Variants in OTUD4 observed in about 807,000 individuals in gnomAD.
OTUD4 encodes OTU domain-containing protein 4.
OTUD4 carries 24 observed loss-of-function variants against 130.4 expected under a neutral mutation model. The observed-to-expected ratio is 0.18, with a 90% CI of 0.13 to 0.26. OTUD4 has a LOEUF of 0.26. OTUD4 is among the 10% of genes least tolerant of loss of function. The pLI is 1.00. For missense variants in OTUD4, 1,031 were observed against 1,329.4 expected (o/e 0.78, Z 3.49); for synonymous variants, 420 against 472.5 (o/e 0.89, Z 1.44).
intron 3 of OTUD4, among the ~76,000 whole-genome samples, chr4:145,168,149 CTAAT>C (rs1422492137): frequency 1.3e-5 from 2 of 151,974 alleles, no homozygotes; most frequent in Admixed American, 6.6e-5. Context: ...TATGTTTTAA[CTAAT>C]TAACCATACT....
At chr4:145,177,841 T>C (rs1337184629) in intron 1 of OTUD4, among the ~76,000 whole-genome samples, 1 of 152,232 alleles carries the variant, frequency 6.6e-6, no homozygotes, top group East Asian at 1.9e-4. Flanking sequence ...TTAGAAATGA[T>C]GAGTATTTGT....
At chr4:145,140,344 A>C (rs1005722129) in intron 19 of OTUD4, among the ~76,000 whole-genome samples, 1 of 152,224 alleles carries the variant, frequency 6.6e-6, no homozygotes, top group African/African-American at 2.4e-5. Context: ...GTTGAGAAGA[A>C]TGGTAAAATC....
chr4:145,179,719 G>A (rs1272272520), intron 1 of OTUD4, 96 bp downstream of exon 1: 2 of 1,420,364 alleles, frequency 1.4e-6, no homozygotes, highest in East Asian at 2.9e-5. Flanking sequence ...AGCCCCGGCC[G>A]TGGGCGGCCC....
intron 6 of OTUD4, among the ~76,000 whole-genome samples, chr4:145,160,746 G>A (rs1039202557): frequency 3.9e-5 from 6 of 152,170 alleles, no homozygotes; most frequent in African/African-American, 1.2e-4. Context: ...CCAGAAGCCA[G>A]TGGTTGCAGT....
In OTUD4 at chr4:145,137,191, G is replaced by A. The variant is rs1579236292; in HGVS notation, c.*239C>T. On this transcript the variant is annotated 3_prime_UTR_variant, in exon 21 of 21. Transcript: ENST00000447906. ...AACAAACTTATCTTCTACTTTTTACGGGGACAGTCACTTGATCAACAAACA... is the reference window on the plus strand; with the variant it reads ...AACAAACTTATCTTCTACTTTTTACAGGGACAGTCACTTGATCAACAAACA... The A allele has an allele frequency of 7.7e-6, 3 of 390,908 alleles. No individual in the cohort carries two copies. Among genetic ancestry groups the A allele is most frequent in the East Asian group, 4.0e-5 (1 of 25,208 alleles). The allele number at this position is 390,908 out of a possible 1,614,324, so 24.2% of individuals were successfully genotyped here. A position where few individuals can be genotyped will look rare whatever the true frequency, so the allele number is the denominator to read the frequency against.
chr4:145,176,476 A>G (rs1752430546), intron 1 of OTUD4, among the ~76,000 whole-genome samples: 1 of 151,118 alleles, frequency 6.6e-6, no homozygotes, highest in South Asian at 2.1e-4. Flanking sequence ...CCCTGAGGTC[A>G]GGAGTTTGAG....
intron 3 of OTUD4, among the ~76,000 whole-genome samples, chr4:145,169,379 T>C (rs1177246115): frequency 6.6e-6 from 1 of 152,244 alleles, no homozygotes; most frequent in Non-Finnish European, 1.5e-5. Context: ...AGGATAAAGA[T>C]GCTTTCTCTG....
chr4:145,159,647 G>C lies in OTUD4; in HGVS notation c.497-12C>G, dbSNP rs1248505620. 4.3e-6 allele frequency: 7 copies of C among 1,610,588 alleles called. No individual in the cohort carries two copies. Among genetic ancestry groups the C allele is most frequent in the Non-Finnish European group, 5.9e-6 (7 of 1,178,328 alleles). On this transcript the variant is annotated splice_polypyrimidine_tract_variant and intron_variant, in intron 6 of 20. Coordinates refer to ENST00000447906, the MANE Select transcript of OTUD4 (RefSeq NM_001366057.1). Reference sequence around the variant, plus strand: ...TTCATAAAGGAGAGCTGCAATTAATGACAGACAGATTTTCCAACATTAACT... The same window carrying C: ...TTCATAAAGGAGAGCTGCAATTAATCACAGACAGATTTTCCAACATTAACT...
intron 3 of OTUD4, 89 bp downstream of exon 3, chr4:145,171,581 A>G (rs753546024): frequency 2.0e-5 from 14 of 691,572 alleles, no homozygotes; most frequent in African/African-American, 3.7e-5. Flanking sequence ...TCCTCTATAC[A>G]CTGTAATAGT....
chr4:145,147,015 T>C (rs1336009958), intron 13 of OTUD4, among the ~76,000 whole-genome samples: 2 of 152,202 alleles, frequency 1.3e-5, no homozygotes, highest in Non-Finnish European at 1.5e-5. Flanking sequence ...CATTTCAACA[T>C]AATTTTGGTC....
At chr4:145,160,915 G>C (rs36225151) in intron 6 of OTUD4, among the ~76,000 whole-genome samples, 4,769 of 152,176 alleles carry the variant, frequency 0.031, 223 homozygotes, top group African/African-American at 0.11. Flanking sequence ...TTTAAGACCA[G>C]CCTGGTCAAG....
intron 6 of OTUD4, among the ~76,000 whole-genome samples, chr4:145,161,174 C>G (rs1383737521): frequency 1.3e-5 from 2 of 151,968 alleles, no homozygotes; most frequent in African/African-American, 4.8e-5. Flanking sequence ...AATGAGTTCC[C>G]ACAGAGACTT....
chr4:145,179,603 C>G, intron 1 of OTUD4: 1 of 1,382,874 alleles, frequency 7.2e-7, no homozygotes, highest in East Asian at 3.0e-5. Flanking sequence ...AGAGACACCC[C>G]GTTAATTTGC....
intron 14 of OTUD4, 111 bp downstream of exon 14, chr4:145,146,156 A>G (rs1345102763): frequency 1.2e-5 from 7 of 596,582 alleles, no homozygotes; most frequent in Non-Finnish European, 2.6e-6. Context: ...TCTTTAAAGT[A>G]TTTAGAGTTT....
intron 5 of OTUD4, among the ~76,000 whole-genome samples, chr4:145,163,703 CTTTTTTTT>C (rs11430342): frequency 7.9e-6 from 1 of 126,518 alleles, no homozygotes; most frequent in South Asian, 2.6e-4. Flanking sequence ...TAATAGGAAC[CTTTTTTTT>C]TTTTTTTTTT....
chr4:145,172,994 A>G (rs551078194), intron 2 of OTUD4, among the ~76,000 whole-genome samples: 1 of 152,314 alleles, frequency 6.6e-6, no homozygotes, highest in East Asian at 1.9e-4. Flanking sequence ...TTTCTACAAC[A>G]TCTCTTTCCA....
In OTUD4 at chr4:145,164,185, G is replaced by A. The variant is rs1252498694; in HGVS notation, c.383C>T (p.Ser128Leu). 6.9e-7 allele frequency: 1 copy of A among 1,441,656 alleles called. No homozygotes were observed. Among genetic ancestry groups the A allele is most frequent in the Admixed American group, 1.9e-5 (1 of 52,638 alleles). 89.3% of individuals were successfully genotyped at this position (1,441,656 alleles called of 1,614,324 possible). A position where few individuals can be genotyped will look rare whatever the true frequency, so the allele number is the denominator to read the frequency against. Residue 128 changes from serine (S) to leucine (L), a missense_variant, in exon 5 of 21, where the codon TCA (serine) becomes TTA (leucine). Physicochemically the swap from Ser to Leu is moderately radical, Grantham distance 145 (BLOSUM62 -2). Coordinates refer to ENST00000447906, the MANE Select transcript of OTUD4 (RefSeq NM_001366057.1). ...IIYREPNVSP[S>L]QVTENNFPEK... ...AGGAAAATTATTTTCTGTTACTTGT[G>A]AAGGAGAAACATTTGGTTCCCGATA...
intron 10 of OTUD4, among the ~76,000 whole-genome samples, chr4:145,153,047 T>C (rs1751138695): frequency 1.3e-5 from 2 of 152,188 alleles, no homozygotes; most frequent in South Asian, 4.1e-4. Context: ...TAAAATTTAG[T>C]CTTTAATTAA....
In OTUD4 at chr4:145,159,610, C is replaced by T. The variant is rs1751459213; in HGVS notation, c.522G>A (p.Glu174=). 6.2e-7 allele frequency: 1 copy of T among 1,613,166 alleles called. No individual in the cohort carries two copies. The highest frequency in any genetic ancestry group is 1.1e-5 in the South Asian group (1 of 90,990). ...CQSLLYELLY[E]KVFKTDVSKI... is the part of the protein sequence containing the mutation. ...TACTAACATCAGTTTTAAATACCTT[C>T]TCATACAGCAATTCATAAAGGAGAG... The change falls in exon 7 of 21, where the codon GAG becomes GAA. Residue 174 remains glutamate (E), a synonymous_variant. Coordinates refer to ENST00000447906, the MANE Select transcript of OTUD4 (RefSeq NM_001366057.1).
Sources: allele counts gnomAD v4.1 joint callset (sites outside exome capture counted in the v4.1 genomes callset), GRCh38; gene constraint gnomAD v4.1.1; transcripts MANE v1.5; gene names NCBI Gene and HGNC (gene_info 2026-07-23, HGNC 2026-07-21).